Variants in ZSCAN5A observed in about 807,000 individuals in gnomAD.
ZSCAN5A encodes the protein zinc finger and SCAN domain-containing protein 5A.
A neutral mutation model predicts 23.7 loss-of-function variants in ZSCAN5A; 12 were observed. The ratio of observed to expected loss-of-function variants is 0.51; its 90% CI spans 0.32 to 0.82. ZSCAN5A has a LOEUF of 0.82. Ranked by LOEUF, ZSCAN5A falls within the 40% of genes least tolerant of loss-of-function variation. The probability of loss-of-function intolerance (pLI) is 0.03; values close to 1 mark genes in which losing one functional copy is unlikely to be tolerated. For missense variants in ZSCAN5A, 597 were observed against 617.9 expected (o/e 0.97, Z 0.36); for synonymous variants, 257 against 239.9 (o/e 1.07, Z -0.66).
chr19:56,358,367 C>G (rs147403992), intron 2 of ZSCAN5A, among the ~76,000 whole-genome samples: 5,512 of 148,646 alleles, frequency 0.037, 591 homozygotes, highest in Middle Eastern at 0.11. Flanking sequence ...GTGATCCACC[C>G]GCCTCAGCCT....
intron 2 of ZSCAN5A, among the ~76,000 whole-genome samples, chr19:56,285,489 C>A (rs1254202084): frequency 6.6e-6 from 1 of 152,166 alleles, no homozygotes; most frequent in East Asian, 1.9e-4. Context: ...AGAAATGCTT[C>A]GTGTGTACTC....
intron 2 of ZSCAN5A, among the ~76,000 whole-genome samples, chr19:56,281,234 G>T (rs2038674069): frequency 6.6e-6 from 1 of 152,126 alleles, no homozygotes; most frequent in African/African-American, 2.4e-5. Context: ...CTGACCAGAA[G>T]AAGGAAGGGG....
At chr19:56,345,422 G>C (rs992609448) in intron 2 of ZSCAN5A, among the ~76,000 whole-genome samples, 7 of 152,194 alleles carry the variant, frequency 4.6e-5, no homozygotes, top group African/African-American at 1.4e-4. Flanking sequence ...TTGCTATCAT[G>C]GATTTTCAGA....
At chr19:56,236,427 A>T (rs1400850129) in intron 2 of ZSCAN5A, among the ~76,000 whole-genome samples, 1 of 96,592 alleles carries the variant, frequency 1.0e-5, no homozygotes, top group Admixed American at 1.0e-4. Flanking sequence ...CCTCTGATTG[A>T]CCGTGGGCCA....
rs1423161950 is a variant in ZSCAN5A at position 56,352,054 on chromosome 19, C to T, written c.-358+11181G>A. On this transcript the variant is annotated intron_variant, in intron 2 of 6. Coordinates refer to the ZSCAN5A transcript ENST00000587340. The surrounding 1 kb of genome is among the most constrained non-coding windows in gnomAD (Gnocchi z 4.2). Reference sequence around the variant, plus strand: ...ATACTGATGGAGTGCCTTCTTTATGCCCTGCGCTTGGGTATGCTTTGGTGG... The same window carrying T: ...ATACTGATGGAGTGCCTTCTTTATGTCCTGCGCTTGGGTATGCTTTGGTGG... 6.6e-6 allele frequency among the ~76,000 whole-genome samples: 1 copy of T among 152,102 alleles called. No homozygotes were observed. Among genetic ancestry groups the T allele is most frequent in the African/African-American group, 2.4e-5 (1 of 41,396 alleles).
At chr19:56,322,520 T>A (rs1256169114) in intron 2 of ZSCAN5A, among the ~76,000 whole-genome samples, 1 of 152,214 alleles carries the variant, frequency 6.6e-6, no homozygotes, top group African/African-American at 2.4e-5. Context: ...CTGGAAAAAC[T>A]TCCACTACAG....
chr19:56,343,053 C>G lies in ZSCAN5A; in HGVS notation c.-358+20182G>C. 3 of 813,040 alleles carry G rather than the reference C, an allele frequency of 3.7e-6. No homozygotes were observed. The South Asian group carries it at 4.0e-5, about 11-fold the overall frequency. The allele number at this position is 813,040 out of a possible 1,614,324, so 50.4% of individuals were successfully genotyped here. On this transcript the variant is annotated intron_variant, in intron 2 of 6. Coordinates refer to the ZSCAN5A transcript ENST00000587340. The stretch of plus-strand genomic sequence containing the variant: ...TCTTTCCCCCAGAACTGTCAGACAA[C>G]CTTGGCTTGTTCCAGCAAGACCTCA...
chr19:56,253,624 A>AAGG (rs35413407), intron 2 of ZSCAN5A, among the ~76,000 whole-genome samples: 1 of 21,908 alleles, frequency 4.6e-5, no homozygotes, highest in Non-Finnish European at 7.9e-5. Flanking sequence ...TTGTGATATT[A>AAGG]AGGACTGAGG....
chr19:56,319,786 G>A, upstream of ZSCAN5A: 1 of 773,218 alleles, frequency 1.3e-6, no homozygotes, highest in Non-Finnish European at 2.4e-6. Flanking sequence ...GGTCCCTCCT[G>A]TAACTATGGT....
At chr19:56,330,870 A>AT (rs2041482718) in intron 2 of ZSCAN5A, among the ~76,000 whole-genome samples, 1 of 152,002 alleles carries the variant, frequency 6.6e-6, no homozygotes, top group Non-Finnish European at 1.5e-5. Context: ...TTAGTAATAA[A>AT]TTTTTTTCCA....
intron 2 of ZSCAN5A, among the ~76,000 whole-genome samples, chr19:56,276,027 T>C (rs767490712): frequency 2.6e-5 from 4 of 152,218 alleles, no homozygotes; most frequent in Non-Finnish European, 5.9e-5. Context: ...CTGAGTCTAA[T>C]GCTAATTTCT....
intron 2 of ZSCAN5A, among the ~76,000 whole-genome samples, chr19:56,230,389 ATAT>A (rs1157571719): frequency 1.3e-5 from 2 of 152,158 alleles, no homozygotes; most frequent in Non-Finnish European, 2.9e-5. Context: ...CGGCCCCAAC[ATAT>A]TATTATTAAC....
chr19:56,268,181 G>C (rs969200539), intron 2 of ZSCAN5A, among the ~76,000 whole-genome samples: 1 of 152,226 alleles, frequency 6.6e-6, no homozygotes, highest in South Asian at 2.1e-4. Context: ...GTCTATTCTA[G>C]GACCTAGTCA....
intron 2 of ZSCAN5A, among the ~76,000 whole-genome samples, chr19:56,355,584 TCTGTAAAACAATTATGA>T (rs1223416278): frequency 1.3e-5 from 2 of 148,672 alleles, no homozygotes; most frequent in South Asian, 2.1e-4. Flanking sequence ...AAGACCAAGC[TCTGTAAAACAATTATGA>T]CTGTAAAACA....
intron 2 of ZSCAN5A, among the ~76,000 whole-genome samples, chr19:56,331,126 C>G (rs1270301545): frequency 6.6e-6 from 1 of 152,078 alleles, no homozygotes; most frequent in Admixed American, 6.6e-5. Flanking sequence ...AGGTGTGTGG[C>G]TTAATTCTGG....
intron 2 of ZSCAN5A, among the ~76,000 whole-genome samples, chr19:56,273,124 C>A (rs2037974421): frequency 6.6e-6 from 1 of 152,186 alleles, no homozygotes; most frequent in Non-Finnish European, 1.5e-5. Context: ...ACACTTGTGT[C>A]TGCATCCTGG....
At position 56,313,347 on chromosome 19, in the gene ZSCAN5A, A is replaced by G. The variant is rs34709084; in HGVS notation, c.-192T>C. 0.099 allele frequency: 27,026 copies of G among 272,934 alleles called. 1,569 individuals are homozygous for G. Among genetic ancestry groups the G allele is most frequent in the Middle Eastern group, 0.15 (107 of 700 alleles). 16.9% of individuals were successfully genotyped at this position (272,934 alleles called of 1,614,324 possible). On this transcript the variant is annotated 5_prime_UTR_variant, in exon 2 of 6. Coordinates refer to ENST00000683990, the MANE Select transcript of ZSCAN5A (RefSeq NM_001322064.3). ...AGGTCAAAGGCACGTCTCACATGGC[A>G]GCAGACAAGAGAAGAGAGCTTGAGC...
intron 2 of ZSCAN5A, among the ~76,000 whole-genome samples, chr19:56,250,813 T>C (rs888528188): frequency 6.6e-6 from 1 of 152,170 alleles, no homozygotes; most frequent in African/African-American, 2.4e-5. Flanking sequence ...CTCTTTACAT[T>C]TTATTTTCTA....
At chr19:56,322,285 C>A in intron 2 of ZSCAN5A, 1 of 1,126,956 alleles carries the variant, frequency 8.9e-7, no homozygotes, top group Non-Finnish European at 1.4e-6. Flanking sequence ...CAAGAATTGT[C>A]CCTTTCACTG....
Sources: gnomAD v4.1 joint callset for allele counts (sites outside exome capture counted in the v4.1 genomes callset) on GRCh38, gnomAD v4.1.1 for gene constraint, Gnocchi (gnomAD v3.1) non-coding constraint, MANE v1.5 for transcripts, NCBI Gene and HGNC (gene_info 2026-07-23, HGNC 2026-07-21) for gene names.